Variants in NFAT5 observed in about 807,000 individuals in gnomAD.
NFAT5 encodes the protein nuclear factor of activated T cells 5.
Under a neutral mutation model 166.5 loss-of-function variants are expected in NFAT5, and 31 were observed. The ratio of observed to expected loss-of-function variants is 0.19; its 90% CI spans 0.14 to 0.25. NFAT5 has a LOEUF of 0.25. Among genes scored for constraint, NFAT5 ranks in the 10% least tolerant of loss-of-function variants. The pLI, the probability that NFAT5 is intolerant of heterozygous loss-of-function variation, is 1.00. For missense variants in NFAT5, 1,449 were observed against 1,821.8 expected (o/e 0.80, Z 3.72); for synonymous variants, 612 against 639.7 (o/e 0.96, Z 0.65).
At chr16:69,591,849 C>T (rs999238048) in intron 2 of NFAT5, among the ~76,000 whole-genome samples, 1 of 152,028 alleles carries the variant, frequency 6.6e-6, no homozygotes, top group African/African-American at 2.4e-5. Flanking sequence ...CCTTCCTACA[C>T]AGCCCAGGAG....
intron 2 of NFAT5, among the ~76,000 whole-genome samples, chr16:69,611,882 G>A (rs1407315661): frequency 6.6e-6 from 1 of 152,192 alleles, no homozygotes; most frequent in Non-Finnish European, 1.5e-5. Context: ...AGAATGGAAG[G>A]TCCATAAAGA....
rs1030704377 is a variant in NFAT5, at chr16:69,566,360, C to T, written c.59C>T (p.Ser20Phe). Residue 20 changes from serine to phenylalanine, a missense_variant, in exon 1 of 15, where the codon TCC (serine) becomes TTC (phenylalanine). By Grantham distance (155) the Ser-to-Phe change is radical. Around this residue, in one of 7 missense-constraint regions of NFAT5, gnomAD observed 172 missense variants for 194.5 expected, o/e 0.88. Coordinates refer to ENST00000349945, the MANE Select transcript of NFAT5 (RefSeq NM_138713.4). The surrounding 1 kb of genome is among the most constrained non-coding windows in gnomAD (Gnocchi z 5.7). ...GACCTAGACCTGGAATCGCCCAAGT[C>T]CCTCTACTCGCGAGGTGAGTCAGGC... ...SADLDLESPK[S>F]LYSRDSLKLH... The T allele has an allele frequency of 6.2e-7, 1 of 1,606,812 alleles. No individual in the cohort carries two copies. Among genetic ancestry groups the T allele is most frequent in the Non-Finnish European group, 8.5e-7 (1 of 1,177,760 alleles).
At chr16:69,651,010 G>A (rs1429806808) in intron 4 of NFAT5, among the ~76,000 whole-genome samples, 1 of 152,154 alleles carries the variant, frequency 6.6e-6, no homozygotes, top group East Asian at 1.9e-4. Context: ...TGATACTTAT[G>A]TTCATAGAAT....
intron 2 of NFAT5, among the ~76,000 whole-genome samples, chr16:69,581,724 A>G (rs1332242448): frequency 6.6e-6 from 1 of 152,208 alleles, no homozygotes; most frequent in Non-Finnish European, 1.5e-5. Context: ...ATTACTAGAC[A>G]GTAGTATTAA....
intron 2 of NFAT5, among the ~76,000 whole-genome samples, chr16:69,587,327 C>T (rs2032137072): frequency 6.6e-6 from 1 of 151,194 alleles, no homozygotes; most frequent in South Asian, 2.1e-4. Context: ...CCACCCACTT[C>T]GGCCTCCCAA....
intron 1 of NFAT5, among the ~76,000 whole-genome samples, chr16:69,568,092 C>G (rs2016184041): frequency 6.6e-6 from 1 of 152,114 alleles, no homozygotes; most frequent in Admixed American, 6.6e-5. Flanking sequence ...GCAGTTGGAT[C>G]ACCTGAGGTC....
At chr16:69,596,323 T>C (rs1475818133) in intron 2 of NFAT5, among the ~76,000 whole-genome samples, 1 of 152,214 alleles carries the variant, frequency 6.6e-6, no homozygotes, top group Non-Finnish European at 1.5e-5. Context: ...TTTTGACATC[T>C]GAGAGGTATA....
At chr16:69,641,171 G>T (rs570296348) in intron 3 of NFAT5, among the ~76,000 whole-genome samples, 2 of 150,840 alleles carry the variant, frequency 1.3e-5, no homozygotes, top group Admixed American at 1.3e-4. Flanking sequence ...CCAGCTACTC[G>T]GGAGGCTGAG....
chr16:69,636,617 G>T (rs983410041), intron 3 of NFAT5, among the ~76,000 whole-genome samples: 1 of 152,184 alleles, frequency 6.6e-6, no homozygotes, highest in Non-Finnish European at 1.5e-5. Flanking sequence ...CTACATGGAA[G>T]CTGCCAAGGT....
chr16:69,677,245 A>T lies in NFAT5; in HGVS notation c.1600A>T (p.Ile534Leu), dbSNP rs746838035. The T allele has an allele frequency of 3.1e-6, 5 of 1,612,296 alleles. No individual in the cohort carries two copies. The highest frequency in any genetic ancestry group is 4.2e-6 in the Non-Finnish European group (5 of 1,179,426). ...GGTTCCTCCCTATCATGACCAACAT[A>T]TAACTTTGCCTGTGTCAGTGGGAAT... is the stretch of plus-strand genomic sequence containing the variant. ...VKVPPYHDQHITLPVSVGIYV... is the reference protein window; with the variant it reads ...VKVPPYHDQHLTLPVSVGIYV... Residue 534 changes from isoleucine to leucine, a missense_variant, in exon 10 of 15, where the codon ATA becomes TTA. Ile to Leu is a conservative substitution (Grantham distance 5, BLOSUM62 2). Coordinates refer to ENST00000349945, the MANE Select transcript of NFAT5 (RefSeq NM_138713.4).
intron 3 of NFAT5, among the ~76,000 whole-genome samples, chr16:69,631,782 C>A (rs1451403105): frequency 6.6e-6 from 1 of 152,016 alleles, no homozygotes; most frequent in Non-Finnish European, 1.5e-5. Flanking sequence ...TGTGCCACCA[C>A]ACCCGGCTAA....
chr16:69,682,441 C>G (rs140577176), intron 10 of NFAT5, among the ~76,000 whole-genome samples: 1,850 of 151,114 alleles, frequency 0.012, 29 homozygotes, highest in African/African-American at 0.038. Context: ...GACCCCCCCC[C>G]CCGCCATCCC....
Position 69,700,500 on chromosome 16 carries a change from A to G in NFAT5, c.*4149A>G, listed in dbSNP as rs1045799111. On this transcript the variant is annotated 3_prime_UTR_variant, in exon 15 of 15. Coordinates refer to ENST00000349945, the MANE Select transcript of NFAT5 (RefSeq NM_138713.4). Reference sequence around the variant, plus strand: ...GCATCAACAAATAATGACCAGGACAAAACGATTTAATAATTAAAGTCTCAA... The same window carrying G: ...GCATCAACAAATAATGACCAGGACAGAACGATTTAATAATTAAAGTCTCAA... The G allele has an allele frequency of 6.6e-6, 1 of 152,242 alleles. No individual in the cohort carries two copies. Among genetic ancestry groups the G allele is most frequent in the Non-Finnish European group, 1.5e-5 (1 of 68,044 alleles). 9.4% of individuals were successfully genotyped at this position (152,242 alleles called of 1,614,324 possible).
In NFAT5 at chr16:69,693,091, T is replaced by G; in HGVS notation, c.3266T>G (p.Leu1089Arg). Residue 1089 changes from leucine (L) to arginine (R), a missense_variant, in exon 13 of 15, where the codon CTT (leucine) becomes CGT (arginine). Physicochemically the swap from Leu to Arg is moderately radical, Grantham distance 102. Around this residue, in one of 7 missense-constraint regions of NFAT5, gnomAD observed 891 missense variants for 993.0 expected, o/e 0.90. Transcript: ENST00000349945. ...CAGTCTTCTCATTCACAGGCCCAAC[T>G]TTTTCATCCTCAAAATCCTATTGCC... is the stretch of plus-strand genomic sequence containing the variant. ...LQQSSHSQAQ[L>R]FHPQNPIADA... 1 of 1,614,120 alleles carries G rather than the reference T, an allele frequency of 6.2e-7. No homozygotes were observed. Among genetic ancestry groups the G allele is most frequent in the Non-Finnish European group, 8.5e-7 (1 of 1,180,026 alleles).
At chr16:69,615,682 T>C (rs781174075) in intron 2 of NFAT5, among the ~76,000 whole-genome samples, 1 of 152,214 alleles carries the variant, frequency 6.6e-6, no homozygotes, top group Non-Finnish European at 1.5e-5. Context: ...TCTTCTTTTC[T>C]CTCTCTGTTT....
intron 2 of NFAT5, among the ~76,000 whole-genome samples, chr16:69,622,738 A>C (rs554508680): frequency 6.6e-5 from 10 of 152,166 alleles, no homozygotes; most frequent in Non-Finnish European, 1.2e-4. Flanking sequence ...TACTAGGATA[A>C]ATTTTTTTCC....
chr16:69,673,648 A>G (rs1207111029), intron 9 of NFAT5, among the ~76,000 whole-genome samples: 2 of 152,116 alleles, frequency 1.3e-5, no homozygotes, highest in African/African-American at 4.8e-5. Context: ...ACTTGAGCCC[A>G]GGAAGTTGAG....
intron 2 of NFAT5, among the ~76,000 whole-genome samples, chr16:69,570,975 C>A (rs1457281665): frequency 6.6e-6 from 1 of 151,800 alleles, no homozygotes; most frequent in Non-Finnish European, 1.5e-5. Context: ...TAAATGTTAG[C>A]TAAAGTTAAA....
At chr16:69,646,170 A>C (rs1185948886) in intron 3 of NFAT5, among the ~76,000 whole-genome samples, 1 of 152,190 alleles carries the variant, frequency 6.6e-6, no homozygotes, top group Non-Finnish European at 1.5e-5. Flanking sequence ...CAAGCATGTA[A>C]TCAAGTACTT....
Sources: allele counts gnomAD v4.1 joint callset (sites outside exome capture counted in the v4.1 genomes callset), GRCh38; gene constraint gnomAD v4.1.1; regional missense constraint gnomAD v4.1.1; non-coding constraint Gnocchi (gnomAD v3.1); transcripts MANE v1.5; gene names NCBI Gene and HGNC (gene_info 2026-07-23, HGNC 2026-07-21).